TFEB: variants seen among roughly 807,000 people sequenced by gnomAD.
The protein encoded by TFEB is transcription factor EB.
TFEB carries 12 observed loss-of-function variants against 48.0 expected under a neutral mutation model. That is an observed-to-expected ratio of 0.25 (90% CI 0.16 to 0.40). The LOEUF (loss-of-function observed/expected upper bound fraction) is 0.40. TFEB is among the 10% of genes least tolerant of loss of function. TFEB has a pLI of 1.00. For synonymous variants in TFEB, 244 were observed against 261.4 expected, an observed-to-expected ratio of 0.93 and a Z score of 0.64; for missense variants, 509 against 640.3, an observed-to-expected ratio of 0.79 and a Z score of 2.21.
At chr6:41,695,193 G>A (rs1343408778) in intron 1 of TFEB, among the ~76,000 whole-genome samples, 3 of 152,160 alleles carry the variant, frequency 2.0e-5, no homozygotes, top group Admixed American at 1.3e-4. Context: ...TGCCTTTTGG[G>A]GCCATTGGGG....
chr6:41,710,284 C>G (rs909710968), intron 1 of TFEB, among the ~76,000 whole-genome samples: 1 of 152,176 alleles, frequency 6.6e-6, no homozygotes, highest in African/African-American at 2.4e-5. Flanking sequence ...CCAGCTCCCA[C>G]CATGTGGTCA....
intron 1 of TFEB, among the ~76,000 whole-genome samples, chr6:41,708,420 C>T (rs1189049746): frequency 2.0e-5 from 3 of 152,220 alleles, no homozygotes; most frequent in Non-Finnish European, 2.9e-5. Flanking sequence ...CAGGTGCCAG[C>T]ACCTGAATTG....
At chr6:41,692,319 G>C (rs958172884) in intron 1 of TFEB, among the ~76,000 whole-genome samples, 3 of 152,222 alleles carry the variant, frequency 2.0e-5, no homozygotes, top group African/African-American at 7.2e-5. Context: ...ATGCATGTGT[G>C]AAGAAATGTA....
chr6:41,731,115 C>T (rs899784970), intron 1 of TFEB, among the ~76,000 whole-genome samples: 1 of 152,132 alleles, frequency 6.6e-6, no homozygotes, highest in East Asian at 1.9e-4. Context: ...GTTCATTAGG[C>T]GCTATTCTAA....
chr6:41,707,953 AT>A, intron 1 of TFEB, among the ~76,000 whole-genome samples: 1 of 152,218 alleles, frequency 6.6e-6, no homozygotes, highest in Non-Finnish European at 1.5e-5. Flanking sequence ...CAGCCTCAGG[AT>A]GCTAGAGTTG....
Position 41,684,929 on chromosome 6 carries a change from A to T in TFEB, c.1101T>A (p.Pro367=). The T allele has an allele frequency of 6.3e-7, 1 of 1,585,278 alleles. No individual in the cohort carries two copies. The highest frequency in any genetic ancestry group is 1.3e-5 in the African/African-American group (1 of 74,414). Residue 367 remains proline (P), a synonymous_variant, in exon 9 of 9, where the codon CCT becomes CCA. Transcript: ENST00000373033. ...GEALMLGAEV[P]DPEPLPALPP... is the part of the protein sequence containing the mutation. ...GCAGAGCTGGCAGTGGCTCAGGGTCAGGGACCTCAGCCCCCAGCATCAGGG... is the reference window on the plus strand; with the variant it reads ...GCAGAGCTGGCAGTGGCTCAGGGTCTGGGACCTCAGCCCCCAGCATCAGGG...
At position 41,724,294 on chromosome 6, in the gene TFEB, C is replaced by T. The variant is rs540963406; in HGVS notation, c.-23+11056G>A. On this transcript the variant is annotated intron_variant, in intron 1 of 8. Transcript: ENST00000373033. The surrounding 1 kb of genome is among the most constrained non-coding windows in gnomAD (Gnocchi z 4.4). ...ATTCCCATCGTTGATAAGCAAATAC[C>T]CTGTATTAAGAAAGGTTAAGCTATT... is the stretch of plus-strand genomic sequence containing the variant. 1.3e-5 allele frequency among the ~76,000 whole-genome samples: 2 copies of T among 152,150 alleles called. No individual in the cohort carries two copies. The highest frequency in any genetic ancestry group is 2.9e-5 in the Non-Finnish European group (2 of 68,038).
chr6:41,701,957 A>G (rs963388350), intron 1 of TFEB, among the ~76,000 whole-genome samples: 1 of 151,810 alleles, frequency 6.6e-6, no homozygotes, highest in Non-Finnish European at 1.5e-5. Context: ...AAAAAAAAAA[A>G]AAAGAAAGAT....
chr6:41,718,795 G>A (rs1477733061), intron 1 of TFEB, among the ~76,000 whole-genome samples: 1 of 152,040 alleles, frequency 6.6e-6, no homozygotes, highest in Non-Finnish European at 1.5e-5. Context: ...AATGCCTGCA[G>A]GGGCCAACAG....
chr6:41,688,675 A>G (rs777988083), intron 4 of TFEB, among the ~76,000 whole-genome samples: 15 of 152,170 alleles, frequency 9.9e-5, no homozygotes, highest in Non-Finnish European at 2.2e-4. Flanking sequence ...GACACCCCAC[A>G]GTGTACACAG....
At chr6:41,709,467 G>T (rs915602280) in intron 1 of TFEB, among the ~76,000 whole-genome samples, 9 of 152,202 alleles carry the variant, frequency 5.9e-5, no homozygotes, top group Admixed American at 2.0e-4. Context: ...TGGATGGATG[G>T]ACATAATGGA....
Position 41,721,376 on chromosome 6 carries a change from C to T in TFEB, c.-23+13974G>A, listed in dbSNP as rs1437934639. Among the ~76,000 whole-genome samples, 309 of 113,456 alleles carry T rather than the reference C, an allele frequency of 2.7e-3. 3 individuals carry two copies. Among genetic ancestry groups the T allele is most frequent in the African/African-American group, 0.015 (297 of 20,174 alleles). The allele number at this position is 113,456 out of a possible 152,430, so 74.4% of individuals were successfully genotyped here. A position where few individuals can be genotyped will look rare whatever the true frequency, so the allele number is the denominator to read the frequency against. On this transcript the variant is annotated intron_variant, in intron 1 of 8. Transcript: ENST00000373033. ...TTATTTGACACTAGGCACACATACA[C>T]ACACACACACACACACACACACACA...
chr6:41,697,408 C>CAAAAAA lies in TFEB; in HGVS notation c.-22-6179_-22-6174dup, dbSNP rs56059829. Among the ~76,000 whole-genome samples the CAAAAAA allele has an allele frequency of 4.7e-3, 299 of 63,420 alleles. 17 individuals carry two copies. The highest frequency in any genetic ancestry group is 0.018 in the African/African-American group (209 of 11,524). The allele number at this position is 63,420 out of a possible 152,430, so 41.6% of individuals were successfully genotyped here. On this transcript the variant is annotated intron_variant, in intron 1 of 8. Coordinates refer to ENST00000373033, the MANE Select transcript of TFEB (RefSeq NM_001271944.2). ...GGGCAACAAGAGTGAAACTCCATCT[C>CAAAAAA]AAAAAAAAAAAAAAAAAAAGAATGA...
At chr6:41,719,812 C>T (rs1340508135) in intron 1 of TFEB, among the ~76,000 whole-genome samples, 1 of 152,156 alleles carries the variant, frequency 6.6e-6, no homozygotes, top group Non-Finnish European at 1.5e-5. Context: ...ACTCTAGTAT[C>T]CCGAATCCAG....
chr6:41,697,507 C>CT (rs1164092760), intron 1 of TFEB, among the ~76,000 whole-genome samples: 5 of 150,592 alleles, frequency 3.3e-5, no homozygotes, highest in African/African-American at 1.2e-4. Context: ...CTCCAAACCC[C>CT]CCCCCTTCCC....
chr6:41,732,714 T>G (rs1335693678), intron 1 of TFEB: 3 of 985,580 alleles, frequency 3.0e-6, no homozygotes, highest in Non-Finnish European at 3.6e-6. Flanking sequence ...TGTTTTCATC[T>G]CCCTCCTCTC....
chr6:41,685,240 C>T (rs1768938692), intron 8 of TFEB, among the ~76,000 whole-genome samples, 162 bp from the exon 9 acceptor site: 1 of 152,190 alleles, frequency 6.6e-6, no homozygotes, highest in Non-Finnish European at 1.5e-5. Context: ...AGAGTCTAGA[C>T]CAGTGTTTTT....
chr6:41,735,248 C>G, intron 1 of TFEB, 102 bp downstream of exon 1: 1 of 953,702 alleles, frequency 1.0e-6, no homozygotes, highest in African/African-American at 1.8e-5. Flanking sequence ...CGGCATCCCC[C>G]ACCCTCCCAC....
intron 1 of TFEB, among the ~76,000 whole-genome samples, chr6:41,707,208 C>T (rs1474068057): frequency 6.6e-6 from 1 of 152,226 alleles, no homozygotes; most frequent in Non-Finnish European, 1.5e-5. Flanking sequence ...CCTCTCTGTT[C>T]TCCTCCCAAC....
Sources: gnomAD v4.1 joint callset for allele counts (sites outside exome capture counted in the v4.1 genomes callset) on GRCh38, gnomAD v4.1.1 for gene constraint, Gnocchi (gnomAD v3.1) non-coding constraint, MANE v1.5 for transcripts, NCBI Gene and HGNC (gene_info 2026-07-23, HGNC 2026-07-21) for gene names.